SYNE1: variants seen among roughly 807,000 people sequenced by gnomAD.
SYNE1 encodes spectrin repeat containing nuclear envelope protein 1, also known as nesprin-1.
SYNE1 carries 616 observed loss-of-function variants against 1,111.0 expected under a neutral mutation model. That is an observed-to-expected ratio of 0.55 (90% CI 0.52 to 0.59). The LOEUF (loss-of-function observed/expected upper bound fraction) is 0.59, where lower values mean the gene tolerates loss of function less well. Among genes scored for constraint, SYNE1 ranks in the 20% least tolerant of loss-of-function variants. The pLI is 0.00. For missense variants in SYNE1, 10,006 were observed against 10,417.0 expected, an observed-to-expected ratio of 0.96 and a Z score of 1.72; for synonymous variants, 3,855 against 3,825.8, an observed-to-expected ratio of 1.01 and a Z score of -0.28.
chr6:152,471,717 T>A lies in SYNE1; in HGVS notation c.1512A>T (p.Glu504Asp). Reference protein sequence around the residue: ...STSELHLMKMEFLELKYRLLS... With the variant: ...STSELHLMKMDFLELKYRLLS... ...GCAGACGGTACTTTAATTCTAAAAA[T>A]TCCATTTTCATTAGGTGTAGCTCTG... Residue 504 changes from glutamate (E) to aspartate (D), a missense_variant, in exon 16 of 146, where the codon GAA becomes GAT. By Grantham distance (45) the Glu-to-Asp change is conservative (BLOSUM62 2). Transcript: ENST00000367255. The A allele has an allele frequency of 6.2e-7, 1 of 1,613,970 alleles. No homozygotes were observed. The highest frequency in any genetic ancestry group is 8.5e-7 in the Non-Finnish European group (1 of 1,179,888).
intron 97 of SYNE1, 134 bp downstream of exon 97, chr6:152,281,673 T>C (rs2094035860): frequency 2.1e-6 from 2 of 957,452 alleles, no homozygotes; most frequent in Non-Finnish European, 3.2e-6. Context: ...TACTTTTCTA[T>C]TCTTTAAATG....
At position 152,283,960 on chromosome 6, in the gene SYNE1, T is replaced by C. The variant is rs1372773983; in HGVS notation, c.18207+18A>G. On this transcript the variant is annotated intron_variant, in intron 96 of 145. Coordinates refer to ENST00000367255, the MANE Select transcript of SYNE1 (RefSeq NM_182961.4). ...GTTAACTCAGAAGTGAGGAGGCCAC[T>C]TTACAGTTATTGGTTACCTCCAAAA... The C allele has an allele frequency of 7.5e-6, 12 of 1,607,078 alleles. No homozygotes were observed. The highest frequency in any genetic ancestry group is 1.0e-5 in the Non-Finnish European group (12 of 1,173,770).
chr6:152,339,246 G>T lies in SYNE1; in HGVS notation c.12346C>A (p.Gln4116Lys). The change falls in exon 75 of 146, where the codon CAA becomes AAA. Residue 4116 changes from glutamine to lysine, a missense_variant. Physicochemically the swap from Gln to Lys is moderately conservative, Grantham distance 53 (BLOSUM62 1). Coordinates refer to ENST00000367255, the MANE Select transcript of SYNE1 (RefSeq NM_182961.4). ...TTAKDIQQTEQTIEQKLVQAQ... is the reference protein window; with the variant it reads ...TTAKDIQQTEKTIEQKLVQAQ... ...GTGATTTTTCATTTTCTTACCGTTT[G>T]CTCTGTTTGTTGAATGTCTTTTGCT... 1 of 1,613,560 alleles carries T rather than the reference G, an allele frequency of 6.2e-7. No homozygotes were observed. The highest frequency in any genetic ancestry group is 8.5e-7 in the Non-Finnish European group (1 of 1,179,612).
intron 3 of SYNE1, among the ~76,000 whole-genome samples, chr6:152,557,245 AC>A (rs1421989603): frequency 1.3e-5 from 2 of 152,168 alleles, no homozygotes; most frequent in Non-Finnish European, 2.9e-5. Context: ...GACAGGCTTG[AC>A]ATTATTCAGT....
intron 31 of SYNE1, among the ~76,000 whole-genome samples, chr6:152,441,655 G>A (rs752104525): frequency 2.6e-5 from 4 of 152,200 alleles, no homozygotes; most frequent in Non-Finnish European, 5.9e-5. Flanking sequence ...AGAGCATTAA[G>A]CAGTTGGCAA....
intron 28 of SYNE1, among the ~76,000 whole-genome samples, chr6:152,449,147 C>T (rs531632858): frequency 2.6e-5 from 4 of 152,284 alleles, no homozygotes; most frequent in African/African-American, 9.6e-5. Flanking sequence ...GAGACCTTGC[C>T]CAGCTCCCTG....
In SYNE1 at chr6:152,350,173, G is replaced by C. The variant is rs1590808195; in HGVS notation, c.11896C>G (p.His3966Asp). The C allele has an allele frequency of 1.9e-6, 3 of 1,613,198 alleles. No homozygotes were observed. Among genetic ancestry groups the C allele is most frequent in the East Asian group, 4.5e-5 (2 of 44,868 alleles). The stretch of plus-strand genomic sequence containing the variant: ...CCTTTAAAGGTCAGGGGTACCTTGT[G>C]GTGGGCCAATTGCTGGGTGATTGTC... ...LETITQQLAH[H>D]KAMMEEIAGF... Residue 3966 changes from histidine (H) to aspartate (D), a missense_variant, in exon 72 of 146, where the codon CAC becomes GAC. This residue lies in a region of SYNE1 where 4,955 missense variants were observed against 5,017.2 expected (regional missense o/e 0.99). Coordinates refer to ENST00000367255, the MANE Select transcript of SYNE1 (RefSeq NM_182961.4).
Position 152,434,660 on chromosome 6 carries a change from A to T in SYNE1, c.4311-715T>A, listed in dbSNP as rs1221316497. Reference sequence around the variant, plus strand: ...ACAGAATTTCAACTATAGATTTCTAATTTGTATTAGCTATGCATGTATAAC... The same window carrying T: ...ACAGAATTTCAACTATAGATTTCTATTTTGTATTAGCTATGCATGTATAAC... On this transcript the variant is annotated intron_variant, in intron 33 of 145. Transcript: ENST00000367255. 6 of 152,098 alleles carry T rather than the reference A, an allele frequency of 3.9e-5. No homozygotes were observed. The East Asian group carries it at 1.2e-3, about 29-fold the overall frequency. The allele number at this position is 152,098 out of a possible 1,614,324, so 9.4% of individuals were successfully genotyped here.
chr6:152,545,786 A>C (rs1001759203), intron 3 of SYNE1: 1 of 152,178 alleles, frequency 6.6e-6, no homozygotes, highest in Admixed American at 6.5e-5. Flanking sequence ...GGTTTCTTTA[A>C]TGATAATGAT....
At chr6:152,221,129 T>C (rs2080080699) in intron 118 of SYNE1, 83 bp from the exon 119 acceptor site, 1 of 1,377,482 alleles carries the variant, frequency 7.3e-7, no homozygotes, top group African/African-American at 1.4e-5. Flanking sequence ...TTCATGATCC[T>C]GGTTCATGTG....
intron 6 of SYNE1, among the ~76,000 whole-genome samples, chr6:152,519,929 C>A (rs985383801): frequency 7.2e-5 from 11 of 151,990 alleles, no homozygotes; most frequent in African/African-American, 2.4e-4. Flanking sequence ...GGGACTTTTT[C>A]CAAAAATGTC....
At chr6:152,315,244 CA>C (rs1342145035) in intron 87 of SYNE1, 2 of 142,192 alleles carry the variant, frequency 1.4e-5, no homozygotes, top group Admixed American at 7.4e-5. Context: ...CACTGTCACC[CA>C]GGCTGGAGTG....
chr6:152,274,784 C>T (rs1480584837), intron 98 of SYNE1, among the ~76,000 whole-genome samples: 2 of 152,028 alleles, frequency 1.3e-5, no homozygotes, highest in Non-Finnish European at 2.9e-5. Flanking sequence ...TTAGTATAGA[C>T]GGAGTTTCAC....
In SYNE1 at chr6:152,269,229, C is replaced by T. The variant is rs149624155; in HGVS notation, c.18631G>A (p.Gly6211Ser). ...DVDLTATQSP[G>S]VQEWLAQART... ...GCTTGGGCCAGCCATTCCTGGACGC[C>T]GGGGCTCTGCGTGGCTGTTAGGTCA... The change falls in exon 99 of 146, where the codon GGC becomes AGC. Residue 6211 changes from glycine to serine, a missense_variant. This residue lies in a region of SYNE1 where 2,182 missense variants were observed against 2,287.8 expected (regional missense o/e 0.95). Transcript: ENST00000367255. 2.3e-5 allele frequency: 37 copies of T among 1,614,010 alleles called. No homozygotes were observed. The Middle Eastern group carries it at 4.9e-4, about 22-fold the overall frequency.
At chr6:152,236,999 G>T in intron 108 of SYNE1, 51 bp from the exon 109 acceptor site, 1 of 1,605,794 alleles carries the variant, frequency 6.2e-7, no homozygotes, top group South Asian at 1.1e-5. Flanking sequence ...ATTAGCGAAA[G>T]ACATTCTTCC....
intron 4 of SYNE1, among the ~76,000 whole-genome samples, chr6:152,536,964 C>A (rs1229006275): frequency 6.6e-6 from 1 of 152,102 alleles, no homozygotes; most frequent in Non-Finnish European, 1.5e-5. Context: ...AATTTAGGAA[C>A]ATGTTTTCTC....
rs747731841 is a variant in SYNE1, at chr6:152,367,230, C to T, written c.9960G>A (p.Thr3320=). 1.5e-5 allele frequency: 24 copies of T among 1,614,198 alleles called. No individual in the cohort carries two copies. In the Middle Eastern group the frequency reaches 4.9e-4, roughly 33 times the overall value. Residue 3320 remains threonine (T), a synonymous_variant, in exon 62 of 146, where the codon ACG becomes ACA. Transcript: ENST00000367255. Reference sequence around the variant, plus strand: ...TAAAGATGCACACCTCGAGCTTGAGCGTCCTGCTGTCCAGCACACTTTTGT... The same window carrying T: ...TAAAGATGCACACCTCGAGCTTGAGTGTCCTGCTGTCCAGCACACTTTTGT... ...TSDKSVLDSR[T]LKLEALLSVK...
intron 13 of SYNE1, among the ~76,000 whole-genome samples, chr6:152,483,918 T>C (rs2098924406): frequency 6.7e-6 from 1 of 149,826 alleles, no homozygotes; most frequent in South Asian, 2.1e-4. Flanking sequence ...AAAAAAAAAT[T>C]AGGCTGGGTG....
At chr6:152,360,199 C>T (rs1255855618) in intron 64 of SYNE1, among the ~76,000 whole-genome samples, 1 of 152,162 alleles carries the variant, frequency 6.6e-6, no homozygotes. Context: ...GTGGAAAATC[C>T]TCAGAGCAGC....
Sources: gnomAD v4.1 joint callset for allele counts (sites outside exome capture counted in the v4.1 genomes callset) on GRCh38, gnomAD v4.1.1 for gene constraint, gnomAD v4.1.1 regional missense constraint, MANE v1.5 for transcripts, NCBI Gene and HGNC (gene_info 2026-07-23, HGNC 2026-07-21) for gene names.